Variants in DRD2 observed in about 807,000 individuals in gnomAD.
DRD2 encodes D(2) dopamine receptor.
Under a neutral mutation model 38.0 loss-of-function variants are expected in DRD2, and 8 were observed. The observed-to-expected ratio is 0.21, with a 90% CI of 0.12 to 0.38. The LOEUF (loss-of-function observed/expected upper bound fraction) is 0.38, where lower values mean the gene tolerates loss of function less well. Ranked by LOEUF, DRD2 falls within the 10% of genes least tolerant of loss-of-function variation. The probability of loss-of-function intolerance (pLI) is 1.00; values close to 1 mark genes in which losing one functional copy is unlikely to be tolerated. For missense variants in DRD2, 403 were observed against 607.7 expected, an observed-to-expected ratio of 0.66 and a Z score of 3.54; for synonymous variants, 230 against 238.6, an observed-to-expected ratio of 0.96 and a Z score of 0.33.
Position 113,436,482 on chromosome 11 carries a change from G to T in DRD2, c.-31-11800C>A, listed in dbSNP as rs183659591. Reference sequence around the variant, plus strand: ...GGGACAATTGAAAATCTAAACAGTAGATTTTTTATGATATTCAGAATTATT... The same window carrying T: ...GGGACAATTGAAAATCTAAACAGTATATTTTTTATGATATTCAGAATTATT... On this transcript the variant is annotated intron_variant, in intron 1 of 7. Transcript: ENST00000362072. Among the ~76,000 whole-genome samples the T allele has an allele frequency of 1.9e-3, 288 of 152,214 alleles. No individual in the cohort carries two copies. In the Middle Eastern group the frequency reaches 0.02, roughly 11 times the overall value.
chr11:113,424,160 A>G (rs1188970068), intron 2 of DRD2, among the ~76,000 whole-genome samples: 1 of 152,230 alleles, frequency 6.6e-6, no homozygotes, highest in East Asian at 1.9e-4. Flanking sequence ...AGCACTTAGT[A>G]AGCACTTTAC....
chr11:113,418,557 G>C (rs80310688), intron 2 of DRD2, among the ~76,000 whole-genome samples: 1 of 152,222 alleles, frequency 6.6e-6, no homozygotes, highest in Admixed American at 6.5e-5. Context: ...GAGCCTCACA[G>C]ACCCAGAGAG....
At chr11:113,429,184 A>C (rs909189625) in intron 1 of DRD2, among the ~76,000 whole-genome samples, 6 of 152,230 alleles carry the variant, frequency 3.9e-5, no homozygotes, top group African/African-American at 1.4e-4. Flanking sequence ...AAATGCCTAA[A>C]TACCTGTAAC....
chr11:113,469,930 TG>T (rs1951406561), intron 1 of DRD2, among the ~76,000 whole-genome samples: 1 of 152,132 alleles, frequency 6.6e-6, no homozygotes, highest in African/African-American at 2.4e-5. Flanking sequence ...GTTGCAGGAT[TG>T]GGAGTTTAAA....
At chr11:113,437,661 G>A (rs1488667200) in intron 1 of DRD2, among the ~76,000 whole-genome samples, 1 of 152,096 alleles carries the variant, frequency 6.6e-6, no homozygotes, top group Non-Finnish European at 1.5e-5. Flanking sequence ...TCCAGGTGGA[G>A]CCAAGGAGCA....
At chr11:113,420,027 G>T (rs559279006) in intron 2 of DRD2, among the ~76,000 whole-genome samples, 2 of 152,262 alleles carry the variant, frequency 1.3e-5, no homozygotes, top group South Asian at 4.1e-4. Flanking sequence ...GAGGCAGGAG[G>T]GTACGTAAAG....
intron 6 of DRD2, 41 bp downstream of exon 6, chr11:113,414,334 G>A (rs1247121834): frequency 6.3e-7 from 1 of 1,587,532 alleles, no homozygotes; most frequent in South Asian, 1.1e-5. Context: ...TTCCCTAGGG[G>A]CAGAAAGACC....
chr11:113,471,115 T>G (rs865833662), intron 1 of DRD2, among the ~76,000 whole-genome samples: 2 of 152,236 alleles, frequency 1.3e-5, no homozygotes, highest in Admixed American at 1.3e-4. Context: ...TATAGTTTTA[T>G]TACTCCTCCA....
chr11:113,439,003 G>A (rs75402577), intron 1 of DRD2, among the ~76,000 whole-genome samples: 2,240 of 152,298 alleles, frequency 0.015, 60 homozygotes, highest in African/African-American at 0.051. Flanking sequence ...ATTTCAGAGA[G>A]TGATAGATGA....
intron 1 of DRD2, among the ~76,000 whole-genome samples, chr11:113,432,288 T>TTCTCTTTCTCTCTC (rs1950994191): frequency 1.5e-5 from 2 of 136,258 alleles, no homozygotes; most frequent in South Asian, 5.0e-4. Flanking sequence ...GATCCTCTCT[T>TTCTCTTTCTCTCTC]TCTCTCTCTC....
intron 1 of DRD2, among the ~76,000 whole-genome samples, chr11:113,466,168 C>A (rs1306908544): frequency 6.6e-6 from 1 of 152,174 alleles, no homozygotes; most frequent in Non-Finnish European, 1.5e-5. Context: ...AACTAAATAA[C>A]TAGAGGGACA....
intron 6 of DRD2, chr11:113,414,003 C>T (rs955528739): frequency 1.2e-5 from 4 of 344,580 alleles, no homozygotes; most frequent in African/African-American, 8.5e-5. Context: ...TCTTTCTGAG[C>T]CTGTTTCCTC....
chr11:113,412,734 G>A lies in DRD2; in HGVS notation c.960C>T (p.Asp320=). ...CATTCTTCTCTGGTTTGGCGGGGCT[G>A]TCGGGAGTGCTGTGGAGACCATGGT... is the stretch of plus-strand genomic sequence containing the variant. ...PSHHGLHSTP[D]SPAKPEKNGH... Residue 320 remains aspartate, a synonymous_variant, in exon 7 of 8, where the codon GAC becomes GAT. Coordinates refer to ENST00000362072, the MANE Select transcript of DRD2 (RefSeq NM_000795.4). The A allele has an allele frequency of 6.2e-7, 1 of 1,614,080 alleles. No homozygotes were observed. The highest frequency in any genetic ancestry group is 8.5e-7 in the Non-Finnish European group (1 of 1,179,952).
chr11:113,470,622 T>C (rs1253270438), intron 1 of DRD2, among the ~76,000 whole-genome samples: 1 of 152,216 alleles, frequency 6.6e-6, no homozygotes, highest in Non-Finnish European at 1.5e-5. Context: ...TGACATCAGA[T>C]TATGACAAAA....
intron 1 of DRD2, among the ~76,000 whole-genome samples, chr11:113,473,811 G>A (rs1226883017): frequency 2.0e-5 from 3 of 152,204 alleles, no homozygotes; most frequent in Non-Finnish European, 4.4e-5. Context: ...AGGGAAAGAC[G>A]ATAAGCATGA....
At position 113,410,793 on chromosome 11, in the gene DRD2, G is replaced by A; in HGVS notation, c.1266C>T (p.Asn422=). Residue 422 remains asparagine, a synonymous_variant, in exon 8 of 8, where the codon AAC becomes AAT. Coordinates refer to ENST00000362072, the MANE Select transcript of DRD2 (RefSeq NM_000795.4). The part of the protein sequence containing the change: ...TWLGYVNSAV[N]PIIYTTFNIE... ...TGTTGAAGGTGGTGTAGATGATGGG[G>A]TTCACGGCGCTGTTGACATAGCCCA... 6.2e-7 allele frequency: 1 copy of A among 1,614,130 alleles called. No individual in the cohort carries two copies. Among genetic ancestry groups the A allele is most frequent in the Non-Finnish European group, 8.5e-7 (1 of 1,180,014 alleles).
intron 1 of DRD2, among the ~76,000 whole-genome samples, chr11:113,456,254 A>G (rs1030551436): frequency 6.6e-6 from 1 of 152,232 alleles, no homozygotes; most frequent in African/African-American, 2.4e-5. Flanking sequence ...ATAGAAGTAG[A>G]AGGTAAAATG....
At chr11:113,415,321 C>T (rs1207117233) in intron 5 of DRD2, 100 bp downstream of exon 5, 1 of 1,454,992 alleles carries the variant, frequency 6.9e-7, no homozygotes, top group African/African-American at 1.4e-5. Context: ...AGACCTAACC[C>T]TTGCTGAGGT....
At chr11:113,427,812 A>G (rs1037592718) in intron 1 of DRD2, among the ~76,000 whole-genome samples, 2 of 152,188 alleles carry the variant, frequency 1.3e-5, no homozygotes, top group African/African-American at 4.8e-5. Context: ...CCTAACCCCC[A>G]GTACCTCAGA....
Sources: allele counts gnomAD v4.1 joint callset (sites outside exome capture counted in the v4.1 genomes callset), GRCh38; gene constraint gnomAD v4.1.1; transcripts MANE v1.5; gene names NCBI Gene and HGNC (gene_info 2026-07-23, HGNC 2026-07-21).